AMN1: variants seen among roughly 807,000 people sequenced by gnomAD.
The protein encoded by AMN1 is protein AMN1 homolog.
AMN1 carries 20 observed loss-of-function variants against 33.0 expected under a neutral mutation model. The ratio of observed to expected loss-of-function variants is 0.61; its 90% CI spans 0.43 to 0.88. AMN1 has a LOEUF of 0.88. Among genes scored for constraint, AMN1 ranks in the 40% least tolerant of loss-of-function variants. The probability of loss-of-function intolerance (pLI) is 0.00; values close to 1 mark genes in which losing one functional copy is unlikely to be tolerated. For synonymous variants in AMN1, 114 were observed against 111.9 expected, an observed-to-expected ratio of 1.02 and a Z score of -0.12; for missense variants, 246 against 307.4, an observed-to-expected ratio of 0.80 and a Z score of 1.49.
At position 31,718,647 on chromosome 12, in the gene AMN1, T is replaced by G. The variant is rs181588309; in HGVS notation, c.39-9222A>C. The stretch of plus-strand genomic sequence containing the variant: ...GATGCTATTCCTTTCTGTTTGTTAG[T>G]TTTCCTTCTAACAGACAGGCCCCTC... On this transcript the variant is annotated intron_variant, in intron 1 of 6. Coordinates refer to ENST00000281471, the MANE Select transcript of AMN1 (RefSeq NM_001113402.2). 7.3e-4 allele frequency among the ~76,000 whole-genome samples: 111 copies of G among 152,286 alleles called. 1 individual carries two copies. The East Asian group carries it at 0.019, about 26-fold the overall frequency.
At position 31,672,347 on chromosome 12, in the gene AMN1, A is replaced by C. The variant is rs1304033277; in HGVS notation, c.734T>G (p.Val245Gly). 4 of 1,578,838 alleles carry C rather than the reference A, an allele frequency of 2.5e-6. No homozygotes were observed. The highest frequency in any genetic ancestry group is 2.6e-6 in the Non-Finnish European group (3 of 1,160,282). ...CACTTGCTTTAGTTTGTTTGGGCCT[A>C]CTAATTGCTCCAACACTTCTCGGGA... ...DHSREVLEQL[V>G]GPNKLKQVTW... is the part of the protein sequence containing the mutation. Residue 245 changes from valine to glycine, a missense_variant, in exon 7 of 7, where the codon GTA becomes GGA. By Grantham distance (109) the Val-to-Gly change is moderately radical. Coordinates refer to ENST00000281471, the MANE Select transcript of AMN1 (RefSeq NM_001113402.2).
intron 1 of AMN1, among the ~76,000 whole-genome samples, chr12:31,728,400 TGGGTGCTATTATCACA>T (rs1210731859): frequency 6.6e-6 from 1 of 152,214 alleles, no homozygotes; most frequent in African/African-American, 2.4e-5. Flanking sequence ...CTCCATGTGA[TGGGTGCTATTATCACA>T]AAAATTTTAT....
intron 1 of AMN1, among the ~76,000 whole-genome samples, chr12:31,710,516 T>C (rs1287657129): frequency 6.6e-6 from 1 of 151,564 alleles, no homozygotes; most frequent in African/African-American, 2.4e-5. Context: ...TACACCAATG[T>C]AGCATATATT....
At chr12:31,686,451 A>G (rs1565764985) in intron 6 of AMN1, among the ~76,000 whole-genome samples, 1 of 152,220 alleles carries the variant, frequency 6.6e-6, no homozygotes, top group Non-Finnish European at 1.5e-5. Context: ...CCTCAAAAAA[A>G]GAAAAAAGAA....
intron 6 of AMN1, among the ~76,000 whole-genome samples, chr12:31,677,508 A>G (rs1052608655): frequency 2.0e-5 from 3 of 152,218 alleles, no homozygotes; most frequent in African/African-American, 7.2e-5. Context: ...CAGTTCTATC[A>G]ACTATTTCTA....
At chr12:31,720,048 C>A (rs1372696524) in intron 1 of AMN1, among the ~76,000 whole-genome samples, 1 of 152,144 alleles carries the variant, frequency 6.6e-6, no homozygotes, top group Non-Finnish European at 1.5e-5. Context: ...TTTTTCCATT[C>A]CGTTGTCATT....
chr12:31,727,620 A>G (rs1018290181), intron 1 of AMN1, among the ~76,000 whole-genome samples: 70 of 152,282 alleles, frequency 4.6e-4, no homozygotes, highest in Middle Eastern at 3.4e-3. Context: ...GATACTACCA[A>G]TGTTCAAAAA....
intron 1 of AMN1, among the ~76,000 whole-genome samples, chr12:31,716,935 A>G (rs1939697677): frequency 6.6e-6 from 1 of 152,018 alleles, no homozygotes; most frequent in African/African-American, 2.4e-5. Context: ...ATATTCTCCT[A>G]TGTTTTCTTC....
chr12:31,699,323 G>C (rs948639180), intron 3 of AMN1, among the ~76,000 whole-genome samples: 1 of 143,462 alleles, frequency 7.0e-6, no homozygotes, highest in Non-Finnish European at 1.5e-5. Context: ...CTTGAACCCA[G>C]AGGTGGAGGA....
rs111938042 is a variant in AMN1 at position 31,700,003 on chromosome 12, A to G, written c.316+1860T>C. Among the ~76,000 whole-genome samples, 96 of 152,240 alleles carry G rather than the reference A, an allele frequency of 6.3e-4. 1 individual carries two copies. Among genetic ancestry groups the G allele is most frequent in the African/African-American group, 1.9e-3 (81 of 41,558 alleles). On this transcript the variant is annotated intron_variant, in intron 3 of 6. Transcript: ENST00000281471. ...TTGGAGAAGTTCTTTTTTGTGAGTT[A>G]TTATTTATGTAAACATATTAAAACT... is the stretch of plus-strand genomic sequence containing the variant.
chr12:31,723,059 G>A (rs1326541932), intron 1 of AMN1, among the ~76,000 whole-genome samples: 1 of 152,144 alleles, frequency 6.6e-6, no homozygotes, highest in Non-Finnish European at 1.5e-5. Context: ...TTGGGAGGCT[G>A]AGGCAGGAGA....
At chr12:31,672,472 GTTAT>G in intron 6 of AMN1, 95 bp from the exon 7 acceptor site, 1 of 874,180 alleles carries the variant, frequency 1.1e-6, no homozygotes, top group South Asian at 1.5e-5. Flanking sequence ...TTATTATACA[GTTAT>G]TTAAAGGATT....
chr12:31,709,410 G>A lies in AMN1; in HGVS notation c.54C>T (p.Phe18=). The A allele has an allele frequency of 6.2e-7, 1 of 1,612,956 alleles. No homozygotes were observed. Among genetic ancestry groups the A allele is most frequent in the Non-Finnish European group, 8.5e-7 (1 of 1,179,228 alleles). ...TGAGATATCTGGAAATATTCTTCAT[G>A]AAGCACCAAAGGCATCTGAAATACA... ...SQLLDLCLWC[F]MKNISRYLTD... The change falls in exon 2 of 7, where the codon TTC becomes TTT. Residue 18 remains phenylalanine (F), a synonymous_variant. Coordinates refer to ENST00000281471, the MANE Select transcript of AMN1 (RefSeq NM_001113402.2).
At chr12:31,710,585 CAT>C (rs1491061512) in intron 1 of AMN1, among the ~76,000 whole-genome samples, 1 of 146,560 alleles carries the variant, frequency 6.8e-6, no homozygotes, top group South Asian at 2.2e-4. Context: ...CACACACACA[CAT>C]TTAAAGGCTT....
upstream of AMN1, chr12:31,729,071 C>G: frequency 7.0e-7 from 1 of 1,438,344 alleles, no homozygotes. Context: ...CAGGGACCGT[C>G]CGCCAACTCC....
Position 31,689,112 on chromosome 12 carries a change from G to T in AMN1, c.598C>A (p.His200Asn). Residue 200 changes from histidine to asparagine, a missense_variant, in exon 6 of 7, where the codon CAT becomes AAT. By Grantham distance (68) the His-to-Asn change is moderately conservative. Transcript: ENST00000281471. Reference sequence around the variant, plus strand: ...GTCAGATTTACACAATGTCCCATATGAATCTCCTATGCAAAAATAAAGAAA... The same window carrying T: ...GTCAGATTTACACAATGTCCCATATTAATCTCCTATGCAAAAATAAAGAAA... ...GPCAKKLEEI[H>N]MGHCVNLTDG... 6.2e-7 allele frequency: 1 copy of T among 1,604,818 alleles called. No individual in the cohort carries two copies. The highest frequency in any genetic ancestry group is 8.5e-7 in the Non-Finnish European group (1 of 1,172,932).
intron 2 of AMN1, among the ~76,000 whole-genome samples, chr12:31,703,747 A>C (rs190127343): frequency 1.3e-5 from 2 of 152,208 alleles, no homozygotes; most frequent in Non-Finnish European, 2.9e-5. Flanking sequence ...TTGTGGTTGT[A>C]TATTATTCCA....
Position 31,685,308 on chromosome 12 carries a change from C to A in AMN1, c.703+3699G>T, listed in dbSNP as rs142419136. On this transcript the variant is annotated intron_variant, in intron 6 of 6. Transcript: ENST00000281471. Reference sequence around the variant, plus strand: ...CCTCCCAAAGTGTTGGGATTACAGGCGTGAGCCACTTCGCCTGGCCTATAA... The same window carrying A: ...CCTCCCAAAGTGTTGGGATTACAGGAGTGAGCCACTTCGCCTGGCCTATAA... Among the ~76,000 whole-genome samples, 929 of 152,118 alleles carry A rather than the reference C, an allele frequency of 6.1e-3. 10 individuals carry two copies. Among genetic ancestry groups the A allele is most frequent in the African/African-American group, 0.021 (876 of 41,488 alleles).
intron 6 of AMN1, 103 bp downstream of exon 6, chr12:31,688,904 C>T: frequency 4.8e-6 from 3 of 630,526 alleles, no homozygotes; most frequent in Non-Finnish European, 8.2e-6. Context: ...GCCTGTTTTA[C>T]AGATGAGGAA....
Sources: allele counts gnomAD v4.1 joint callset (sites outside exome capture counted in the v4.1 genomes callset), GRCh38; gene constraint gnomAD v4.1.1; transcripts MANE v1.5; gene names NCBI Gene and HGNC (gene_info 2026-07-23, HGNC 2026-07-21).